Variants in CDKL5 observed in about 807,000 individuals in gnomAD.
CDKL5 encodes cyclin dependent kinase like 5, also known as cyclin-dependent kinase-like 5.
A neutral mutation model predicts 61.7 loss-of-function variants in CDKL5; 8 were observed. The observed-to-expected ratio is 0.13, with a 90% confidence interval of 0.08 to 0.23. The LOEUF (loss-of-function observed/expected upper bound fraction) is 0.23, where lower values mean the gene tolerates loss of function less well. Ranked by LOEUF, CDKL5 falls within the 10% of genes least tolerant of loss-of-function variation. The pLI is 1.00. For missense variants in CDKL5, 440 were observed against 734.5 expected (o/e 0.60, Z 4.63); for synonymous variants, 275 against 272.3 (o/e 1.01, Z -0.10).
intron 3 of CDKL5, among the ~76,000 whole-genome samples, chrX:18,558,317 G>A (rs996700892): frequency 8.9e-6 from 1 of 111,783 alleles, no homozygotes; most frequent in Non-Finnish European, 1.9e-5. Context: ...ACATTCTGTT[G>A]CAGACGTTGT....
intron 3 of CDKL5, among the ~76,000 whole-genome samples, chrX:18,540,976 C>T (rs904513652): frequency 5.4e-5 from 6 of 112,081 alleles, no homozygotes; most frequent in African/African-American, 1.9e-4. Context: ...CGTGAGCTAC[C>T]ACGCCCGGCC....
chrX:18,502,025 T>TTA (rs1682018480), intron 1 of CDKL5, among the ~76,000 whole-genome samples: 1 of 112,005 alleles, frequency 8.9e-6, no homozygotes, highest in South Asian at 3.7e-4. Flanking sequence ...GAAAGAGTGA[T>TTA]TCGTTTTCAG....
chrX:18,438,602 A>T (rs1374946125), intron 1 of CDKL5, among the ~76,000 whole-genome samples: 4 of 105,971 alleles, frequency 3.8e-5, no homozygotes, highest in Non-Finnish European at 7.7e-5. Flanking sequence ...CAGCCTGGCC[A>T]ACATGGTGAA....
intron 1 of CDKL5, among the ~76,000 whole-genome samples, chrX:18,487,847 C>T (rs771143159): frequency 9.1e-6 from 1 of 110,385 alleles, no homozygotes; most frequent in African/African-American, 3.3e-5. Flanking sequence ...ACCCGGGAGG[C>T]GGAGGTTGCA....
intron 1 of CDKL5, among the ~76,000 whole-genome samples, chrX:18,432,099 CTTTTTT>C (rs139849633): frequency 3.3e-5 from 3 of 90,264 alleles, no homozygotes; most frequent in Non-Finnish European, 6.6e-5. Context: ...TTCTTTCTTT[CTTTTTT>C]TTTTTTTTTT....
intron 3 of CDKL5, among the ~76,000 whole-genome samples, chrX:18,532,192 A>G (rs1402416052): frequency 8.9e-6 from 1 of 112,013 alleles, no homozygotes; most frequent in African/African-American, 3.2e-5. Context: ...ACTCATTCCC[A>G]GTTATTTTCA....
intron 1 of CDKL5, among the ~76,000 whole-genome samples, chrX:18,463,908 G>A (rs1932344385): frequency 9.0e-6 from 1 of 111,643 alleles, no homozygotes; most frequent in African/African-American, 3.3e-5. Context: ...AGCTCCTAGT[G>A]AATTTTATGA....
intron 11 of CDKL5, among the ~76,000 whole-genome samples, chrX:18,602,224 G>A (rs1569218832): frequency 8.9e-6 from 1 of 112,077 alleles, no homozygotes; most frequent in Non-Finnish European, 1.9e-5. Flanking sequence ...GGTGGAGGAC[G>A]GATTGGAGGT....
intron 1 of CDKL5, among the ~76,000 whole-genome samples, chrX:18,504,714 G>A (rs370897824): frequency 8.9e-4 from 98 of 110,432 alleles, no homozygotes; most frequent in African/African-American, 3.0e-3. Flanking sequence ...GGCGGATCAC[G>A]AGGTCAGGAG....
chrX:18,527,796 G>A lies in CDKL5; in HGVS notation c.99+16942G>A, dbSNP rs138971188. Among the ~76,000 whole-genome samples, 83 of 111,466 alleles carry A rather than the reference G, an allele frequency of 7.4e-4. No individual in the cohort carries two copies. In the East Asian group the frequency reaches 0.019, roughly 26 times the overall value. ...TTTCTTTTCTTTCCTAAGGTAAAGCGTAGATTATTGATTTTACGTCTGTTT... is the reference window on the plus strand; with the variant it reads ...TTTCTTTTCTTTCCTAAGGTAAAGCATAGATTATTGATTTTACGTCTGTTT... On this transcript the variant is annotated intron_variant, in intron 3 of 17. Coordinates refer to ENST00000623535, the MANE Select transcript of CDKL5 (RefSeq NM_001323289.2).
chrX:18,506,221 A>G (rs1309767772), intron 1 of CDKL5, among the ~76,000 whole-genome samples: 3 of 111,428 alleles, frequency 2.7e-5, no homozygotes, highest in Admixed American at 1.9e-4. Context: ...CTAGGCTCCT[A>G]TGGTCCTTCT....
rs767144567 is a variant in CDKL5 at position 18,629,045 on chromosome X, T to G, written c.*288T>G. 2.5e-5 allele frequency: 22 copies of G among 883,965 alleles called. No homozygotes were observed. The East Asian group carries it at 1.3e-3, about 51-fold the overall frequency. 72.8% of individuals were successfully genotyped at this position (883,965 alleles called of 1,213,427 possible). The stretch of plus-strand genomic sequence containing the variant: ...GAGGAAGAAGAAATTCTTGCCAGTT[T>G]CTCCCCTTTACATTCCAGCTTTAGT... On this transcript the variant is annotated 3_prime_UTR_variant, in exon 18 of 18. Coordinates refer to ENST00000623535, the MANE Select transcript of CDKL5 (RefSeq NM_001323289.2).
At chrX:18,627,561 T>C (rs946989255) in intron 17 of CDKL5, 1 of 111,102 alleles carries the variant, frequency 9.0e-6, no homozygotes, top group African/African-American at 3.3e-5. Flanking sequence ...AGCAGACGGC[T>C]CTGAGGCTCC....
chrX:18,482,121 T>C (rs1387911772), intron 1 of CDKL5, among the ~76,000 whole-genome samples: 1 of 111,551 alleles, frequency 9.0e-6, no homozygotes, highest in African/African-American at 3.3e-5. Flanking sequence ...CTTAGGGCAA[T>C]TTCTGCAGAC....
intron 1 of CDKL5, among the ~76,000 whole-genome samples, chrX:18,435,599 C>T (rs909618801): frequency 9.0e-6 from 1 of 111,199 alleles, no homozygotes; most frequent in Non-Finnish European, 1.9e-5. Flanking sequence ...CAGAATCTCA[C>T]TCTGTCTCCC....
At chrX:18,520,277 C>CT (rs1249643151) in intron 3 of CDKL5, among the ~76,000 whole-genome samples, 3 of 112,257 alleles carry the variant, frequency 2.7e-5, no homozygotes, top group Non-Finnish European at 5.6e-5. Flanking sequence ...AACCACCAAT[C>CT]TGCTTTCTGT....
chrX:18,589,914 T>C (rs1174348425), intron 9 of CDKL5: 1 of 113,116 alleles, frequency 8.8e-6, no homozygotes, highest in Non-Finnish European at 1.9e-5. Flanking sequence ...TTCATGTGTC[T>C]GTTGGCTGCA....
At chrX:18,532,050 AC>A (rs1461613836) in intron 3 of CDKL5, among the ~76,000 whole-genome samples, 1 of 111,956 alleles carries the variant, frequency 8.9e-6, no homozygotes, top group African/African-American at 3.3e-5. Flanking sequence ...GTATCCAAGC[AC>A]TGTATGGGTT....
intron 8 of CDKL5, chrX:18,587,664 T>C (rs1212697498): frequency 3.3e-6 from 1 of 301,114 alleles, no homozygotes; most frequent in Non-Finnish European, 5.8e-6. Flanking sequence ...ATATGTATAC[T>C]GTATTAGGGT....
Sources: gnomAD v4.1 joint callset for allele counts (sites outside exome capture counted in the v4.1 genomes callset) on GRCh38, gnomAD v4.1.1 for gene constraint, MANE v1.5 for transcripts, NCBI Gene and HGNC (gene_info 2026-07-23, HGNC 2026-07-21) for gene names.